The following CEP128 variants were observed in gnomAD, a reference collection of about 807,000 sequenced individuals.
CEP128 encodes the protein centrosomal protein 128, also known as centrosomal protein 128kDa.
CEP128 carries 132 observed loss-of-function variants against 156.7 expected under a neutral mutation model. The observed-to-expected ratio is 0.84, with a 90% CI of 0.73 to 0.97. The LOEUF is 0.97. CEP128 is among the 50% of genes least tolerant of loss of function. The pLI is 0.00. For missense variants in CEP128, 1,252 were observed against 1,281.9 expected (o/e 0.98, Z 0.36); for synonymous variants, 469 against 448.9 (o/e 1.04, Z -0.57).
chr14:80,528,129 AAAC>A (rs1429629794), intron 22 of CEP128, among the ~76,000 whole-genome samples: 34 of 152,286 alleles, frequency 2.2e-4, no homozygotes, highest in African/African-American at 7.0e-4. Context: ...TACAAAAACA[AAAC>A]AAAACAAAAA....
In CEP128 at chr14:80,596,783, T is replaced by C. The variant is rs981402472; in HGVS notation, c.2807-16360A>G. 5.3e-5 allele frequency among the ~76,000 whole-genome samples: 6 copies of C among 113,606 alleles called. No homozygotes were observed. The East Asian group carries it at 9.1e-4, about 17-fold the overall frequency. The allele number at this position is 113,606 out of a possible 152,430, so 74.5% of individuals were successfully genotyped here. The stretch of plus-strand genomic sequence containing the variant: ...TGTTCTCAGTGAGCTGGTTGGGCCA[T>C]TGCACTCTAGTCTGAGTAACAGTGA... On this transcript the variant is annotated intron_variant, in intron 19 of 24. Coordinates refer to ENST00000555265, the MANE Select transcript of CEP128 (RefSeq NM_152446.5).
intron 24 of CEP128, among the ~76,000 whole-genome samples, chr14:80,504,621 A>C (rs1275609077): frequency 6.6e-6 from 1 of 152,222 alleles, no homozygotes; most frequent in Non-Finnish European, 1.5e-5. Context: ...TTACTCATTC[A>C]TCCATAGTTA....
intron 19 of CEP128, among the ~76,000 whole-genome samples, chr14:80,730,276 TATTA>T: frequency 6.6e-6 from 1 of 152,226 alleles, no homozygotes; most frequent in South Asian, 2.1e-4. Context: ...TTTGACTGTC[TATTA>T]ACCTCATAGT....
At chr14:80,539,541 G>A (rs527258785) in intron 21 of CEP128, among the ~76,000 whole-genome samples, 73 of 152,204 alleles carry the variant, frequency 4.8e-4, no homozygotes, top group African/African-American at 1.5e-3. Context: ...GAGGATGTAC[G>A]TCACCACAGG....
chr14:80,788,303 T>A (rs1901523440), intron 14 of CEP128, among the ~76,000 whole-genome samples: 1 of 148,812 alleles, frequency 6.7e-6, no homozygotes, highest in Non-Finnish European at 1.5e-5. Context: ...TTTTTTTTTT[T>A]TTTTTTTCTG....
rs1566629831 is a variant in CEP128, at chr14:80,792,937, G to A, written c.1383C>T (p.Tyr461=). The A allele has an allele frequency of 8.7e-6, 14 of 1,614,106 alleles. No individual in the cohort carries two copies. Among genetic ancestry groups the A allele is most frequent in the Non-Finnish European group, 1.1e-5 (13 of 1,180,022 alleles). ...AEDATKQAER[Y]LSELQQSEAL... ...CCTCTGACTGCTGGAGCTCACTGAG[G>A]TACCGCTCAGCCTGCTTGGTTGCAT... is the stretch of plus-strand genomic sequence containing the variant. The change falls in exon 14 of 25, where the codon TAC becomes TAT. Residue 461 remains tyrosine, a synonymous_variant. Coordinates refer to ENST00000555265, the MANE Select transcript of CEP128 (RefSeq NM_152446.5).
At chr14:80,875,232 GA>G (rs1888224816) in intron 8 of CEP128, among the ~76,000 whole-genome samples, 1 of 152,156 alleles carries the variant, frequency 6.6e-6, no homozygotes, top group Non-Finnish European at 1.5e-5. Context: ...GGGTGAACCA[GA>G]AATACTTAAG....
chr14:80,609,450 A>G (rs35930082), intron 19 of CEP128, among the ~76,000 whole-genome samples: 18,359 of 152,166 alleles, frequency 0.12, 1,396 homozygotes, highest in East Asian at 0.32. Flanking sequence ...GGATCCCATT[A>G]TTATGGTTCC....
intron 13 of CEP128, chr14:80,830,291 G>A: frequency 1.7e-6 from 1 of 573,878 alleles, no homozygotes; most frequent in Non-Finnish European, 3.1e-6. Flanking sequence ...GTGCTGACAA[G>A]ATGAAAGAGA....
intron 8 of CEP128, among the ~76,000 whole-genome samples, chr14:80,865,701 C>T (rs139535148): frequency 2.5e-4 from 38 of 152,232 alleles, no homozygotes; most frequent in African/African-American, 7.5e-4. Flanking sequence ...TAGCATCTTC[C>T]CTCTTGCCAG....
Position 80,914,314 on chromosome 14 carries a change from T to C in CEP128, c.234+8A>G. 2 of 1,606,148 alleles carry C rather than the reference T, an allele frequency of 1.2e-6. No individual in the cohort carries two copies. Among genetic ancestry groups the C allele is most frequent in the African/African-American group, 1.3e-5 (1 of 74,824 alleles). ...TAGGAGAAAATGCAAACAAATGTAG[T>C]TTCTCACATGTTCTATCGCACCCGC... On this transcript the variant is annotated splice_region_variant and intron_variant, in intron 4 of 24. Coordinates refer to ENST00000555265, the MANE Select transcript of CEP128 (RefSeq NM_152446.5).
chr14:80,584,041 T>G (rs1249099314), intron 19 of CEP128, among the ~76,000 whole-genome samples: 1 of 152,126 alleles, frequency 6.6e-6, no homozygotes, highest in Non-Finnish European at 1.5e-5. Context: ...TCTCAATACT[T>G]AATTGCACCC....
At chr14:80,742,974 T>A in intron 19 of CEP128, 101 bp downstream of exon 19, 1 of 942,154 alleles carries the variant, frequency 1.1e-6, no homozygotes, top group Admixed American at 2.2e-5. Flanking sequence ...GGCTTGGAAA[T>A]AGTCCAAAGG....
intron 15 of CEP128, among the ~76,000 whole-genome samples, chr14:80,783,084 C>G (rs162173): frequency 0.045 from 6,899 of 152,210 alleles, 533 homozygotes; most frequent in African/African-American, 0.16. Flanking sequence ...CTTGACCCTA[C>G]TAATTATTAT....
rs551604194 is a variant in CEP128, at chr14:80,933,154, C to A, written c.-16+6231G>T. On this transcript the variant is annotated intron_variant, in intron 2 of 24. Coordinates refer to ENST00000555265, the MANE Select transcript of CEP128 (RefSeq NM_152446.5). ...CAATCCCCCAGCTTCACCCTACCAGCATCCTGGAGAGGTGTTTCCTGCCCA... is the reference window on the plus strand; with the variant it reads ...CAATCCCCCAGCTTCACCCTACCAGAATCCTGGAGAGGTGTTTCCTGCCCA... 5.9e-5 allele frequency among the ~76,000 whole-genome samples: 9 copies of A among 152,278 alleles called. 1 individual carries two copies. The South Asian group carries it at 1.9e-3, about 32-fold the overall frequency.
At chr14:80,719,652 A>G (rs1378781659) in intron 19 of CEP128, among the ~76,000 whole-genome samples, 1 of 152,212 alleles carries the variant, frequency 6.6e-6, no homozygotes, top group Non-Finnish European at 1.5e-5. Flanking sequence ...AACAGAATTC[A>G]TTAGAAGAAA....
chr14:80,745,738 G>C (rs1162740228), intron 18 of CEP128, among the ~76,000 whole-genome samples: 1 of 151,968 alleles, frequency 6.6e-6, no homozygotes, highest in African/African-American at 2.4e-5. Flanking sequence ...CATTGTATTA[G>C]AGGGTTATGA....
At chr14:80,899,263 A>G (rs1883387222) in intron 7 of CEP128, among the ~76,000 whole-genome samples, 1 of 152,192 alleles carries the variant, frequency 6.6e-6, no homozygotes, top group Admixed American at 6.5e-5. Context: ...AATATGGTAA[A>G]CAAATTTCAA....
intron 23 of CEP128, among the ~76,000 whole-genome samples, chr14:80,522,097 A>G (rs760517137): frequency 6.6e-6 from 1 of 152,236 alleles, no homozygotes; most frequent in South Asian, 2.1e-4. Context: ...TTCCTAAGCA[A>G]TATCTGTAAA....
Sources: gnomAD v4.1 joint callset for allele counts (sites outside exome capture counted in the v4.1 genomes callset) on GRCh38, gnomAD v4.1.1 for gene constraint, MANE v1.5 for transcripts, NCBI Gene and HGNC (gene_info 2026-07-23, HGNC 2026-07-21) for gene names.